Variants in PCDHGA12 observed in about 807,000 individuals in gnomAD.
PCDHGA12 encodes the protein protocadherin gamma subfamily A, 12, also known as protocadherin gamma-A12.
Under a neutral mutation model 61.1 loss-of-function variants are expected in PCDHGA12, and 43 were observed. The observed-to-expected ratio is 0.70, with a 90% CI of 0.55 to 0.91. The LOEUF (loss-of-function observed/expected upper bound fraction) is 0.91. Among genes scored for constraint, PCDHGA12 ranks in the 40% least tolerant of loss-of-function variants. The probability of loss-of-function intolerance (pLI) is 0.00; values close to 1 mark genes in which losing one functional copy is unlikely to be tolerated. For missense variants in PCDHGA12, 1,236 were observed against 1,227.7 expected, an observed-to-expected ratio of 1.01 and a Z score of -0.10; for synonymous variants, 520 against 542.9, an observed-to-expected ratio of 0.96 and a Z score of 0.59.
At chr5:141,440,443 T>A (rs979101512) in intron 1 of PCDHGA12, 2 of 152,152 alleles carry the variant, frequency 1.3e-5, no homozygotes, top group Admixed American at 1.3e-4. Flanking sequence ...CAAGGCGCCA[T>A]CTCAAAAAAA....
At chr5:141,472,022 T>C (rs949257396) in intron 1 of PCDHGA12, among the ~76,000 whole-genome samples, 1 of 152,176 alleles carries the variant, frequency 6.6e-6, no homozygotes, top group Non-Finnish European at 1.5e-5. Flanking sequence ...CTATATTGTA[T>C]GTAGAAAGCT....
intron 1 of PCDHGA12, among the ~76,000 whole-genome samples, chr5:141,472,131 A>C (rs565506002): frequency 6.6e-6 from 1 of 152,264 alleles, no homozygotes; most frequent in Non-Finnish European, 1.5e-5. Flanking sequence ...AGAGAAGTTA[A>C]AAATAAAAGT....
intron 1 of PCDHGA12, among the ~76,000 whole-genome samples, chr5:141,464,648 G>A (rs776411908): frequency 6.6e-6 from 1 of 152,020 alleles, no homozygotes; most frequent in African/African-American, 2.4e-5. Flanking sequence ...AACCTGATGG[G>A]TAAAAAGATA....
At chr5:141,503,263 C>T (rs2099818883) in intron 2 of PCDHGA12, among the ~76,000 whole-genome samples, 2 of 152,212 alleles carry the variant, frequency 1.3e-5, no homozygotes, top group South Asian at 4.2e-4. Context: ...GCCACAACCC[C>T]AGCACCTGGC....
At chr5:141,464,096 C>T (rs2099075769) in intron 1 of PCDHGA12, among the ~76,000 whole-genome samples, 1 of 152,016 alleles carries the variant, frequency 6.6e-6, no homozygotes, top group African/African-American at 2.4e-5. Context: ...GAAACTCCGT[C>T]TCTACTAAAA....
At chr5:141,473,902 G>C (rs1593464039) in intron 1 of PCDHGA12, among the ~76,000 whole-genome samples, 1 of 152,240 alleles carries the variant, frequency 6.6e-6, no homozygotes, top group South Asian at 2.1e-4. Context: ...GGTTCATGAA[G>C]AGGTCTTAAG....
At chr5:141,494,564 G>A (rs2099755274) in intron 1 of PCDHGA12, among the ~76,000 whole-genome samples, 1 of 152,138 alleles carries the variant, frequency 6.6e-6, no homozygotes, top group Non-Finnish European at 1.5e-5. Context: ...TTTAGGAAAG[G>A]AGTCTCAGCT....
Position 141,447,048 on chromosome 5 carries a change from A to G in PCDHGA12, c.2424+13865A>G, listed in dbSNP as rs149112101. Among the ~76,000 whole-genome samples, 216 of 152,182 alleles carry G rather than the reference A, an allele frequency of 1.4e-3. 1 individual carries two copies. Among genetic ancestry groups the G allele is most frequent in the African/African-American group, 4.8e-3 (198 of 41,512 alleles). On this transcript the variant is annotated intron_variant, in intron 1 of 3. Transcript: ENST00000252085. ...GTTTTTTTTCTGTGTCTGGAATTCT[A>G]TTAAAATGTGTCAGGCTGTTTTAAT...
intron 1 of PCDHGA12, among the ~76,000 whole-genome samples, chr5:141,448,581 T>A (rs570781751): frequency 2.0e-5 from 3 of 152,274 alleles, no homozygotes; most frequent in African/African-American, 7.2e-5. Context: ...CCATTTTTTT[T>A]ACAAAAAGAT....
In PCDHGA12 at chr5:141,432,212, G is replaced by T. The variant is rs2097468822; in HGVS notation, c.1453G>T (p.Ala485Ser). 8 of 1,614,184 alleles carry T rather than the reference G, an allele frequency of 5.0e-6. No homozygotes were observed. In the East Asian group the frequency reaches 1.3e-4, roughly 27 times the overall value. ...CCACGACCCCGACTGTGAAGAGAAC[G>T]CCCAGATCACTTATTCCCTGGCTGA... ...TAHDPDCEEN[A>S]QITYSLAENT... Residue 485 changes from alanine (A) to serine (S), a missense_variant, in exon 1 of 4, where the codon GCC becomes TCC. Ala to Ser is a moderately conservative substitution (Grantham distance 99). Transcript: ENST00000252085. The surrounding 1 kb of genome is among the most constrained non-coding windows in gnomAD (Gnocchi z 6.0).
chr5:141,485,986 G>T lies in PCDHGA12; in HGVS notation c.2425-8821G>T, dbSNP rs2099622467. The T allele has an allele frequency of 1.2e-6, 2 of 1,614,084 alleles. No homozygotes were observed. Among genetic ancestry groups the T allele is most frequent in the African/African-American group, 1.3e-5 (1 of 74,936 alleles). On this transcript the variant is annotated intron_variant, in intron 1 of 3. Transcript: ENST00000252085. This position sits in a 1 kb window ranked among gnomAD's most constrained non-coding sequence, Gnocchi z 5.7. ...AGCTCAATGCCTCAGACCCGGACCT[G>T]GGTCCCAGTGGTAACGTCACCTTTT...
rs561569572 is a variant in PCDHGA12, at chr5:141,512,054, C to A, written c.*881C>A. 6.5e-6 allele frequency: 1 copy of A among 152,828 alleles called. No individual in the cohort carries two copies. The highest frequency in any genetic ancestry group is 1.9e-4 in the East Asian group (1 of 5,184). The allele number at this position is 152,828 out of a possible 1,614,324, so 9.5% of individuals were successfully genotyped here. On this transcript the variant is annotated 3_prime_UTR_variant, in exon 4 of 4. Coordinates refer to ENST00000252085, the MANE Select transcript of PCDHGA12 (RefSeq NM_003735.3). Reference sequence around the variant, plus strand: ...GGAGGCTCTGTATGTCCTCAGGGGACTGACAACATCCTCCAGATTCCAGCC... The same window carrying A: ...GGAGGCTCTGTATGTCCTCAGGGGAATGACAACATCCTCCAGATTCCAGCC...
At chr5:141,452,046 T>C (rs767493861) in intron 1 of PCDHGA12, among the ~76,000 whole-genome samples, 1 of 152,242 alleles carries the variant, frequency 6.6e-6, no homozygotes, top group Non-Finnish European at 1.5e-5. Context: ...TAACTCCATT[T>C]GTAATAACTT....
intron 1 of PCDHGA12, among the ~76,000 whole-genome samples, chr5:141,455,133 CTG>C (rs2098814252): frequency 6.6e-6 from 1 of 151,392 alleles, no homozygotes; most frequent in African/African-American, 2.4e-5. Flanking sequence ...TTAAATTACA[CTG>C]TGTTAAATAA....
At chr5:141,482,956 CCAGCTACTTGAG>C (rs6149271) in intron 1 of PCDHGA12, among the ~76,000 whole-genome samples, 62,216 of 151,640 alleles carry the variant, frequency 0.41, 15,336 homozygotes, top group African/African-American at 0.7. Context: ...GCCTGTAATT[CCAGCTACTTGAG>C]CAGCTACTTG....
At chr5:141,439,496 G>A (rs1166315364) in intron 1 of PCDHGA12, among the ~76,000 whole-genome samples, 2 of 152,152 alleles carry the variant, frequency 1.3e-5, no homozygotes, top group Non-Finnish European at 2.9e-5. Context: ...AGTGAGAAAC[G>A]TCTTTCTCTC....
intron 1 of PCDHGA12, among the ~76,000 whole-genome samples, chr5:141,482,072 C>G (rs1010432509): frequency 1.5e-5 from 2 of 133,436 alleles, no homozygotes; most frequent in African/African-American, 5.9e-5. Flanking sequence ...GCAACAAGAA[C>G]AAAACTCACT....
In PCDHGA12 at chr5:141,431,482, G is replaced by C. The variant is rs781371030; in HGVS notation, c.723G>C (p.Ala241=). ...MVLDANDNAP[A]FAQPEYRASV... is the part of the protein sequence containing the mutation. ...TGGATGCGAACGACAACGCACCAGCGTTTGCTCAGCCCGAGTACCGCGCGA... is the reference window on the plus strand; with the variant it reads ...TGGATGCGAACGACAACGCACCAGCCTTTGCTCAGCCCGAGTACCGCGCGA... The change falls in exon 1 of 4, where the codon GCG becomes GCC. Residue 241 remains alanine, a synonymous_variant. Coordinates refer to ENST00000252085, the MANE Select transcript of PCDHGA12 (RefSeq NM_003735.3). The surrounding 1 kb of genome is among the most constrained non-coding windows in gnomAD (Gnocchi z 4.8). The C allele has an allele frequency of 6.8e-6, 11 of 1,613,800 alleles. No individual in the cohort carries two copies. The Admixed American group carries it at 1.3e-4, about 20-fold the overall frequency.
rs202006594 is a variant in PCDHGA12, at chr5:141,477,618, C to A, written c.2425-17189C>A. 15 of 1,614,176 alleles carry A rather than the reference C, an allele frequency of 9.3e-6. No homozygotes were observed. The African/African-American group carries it at 1.3e-4, about 14-fold the overall frequency. ...TCTTTCTTTCTCTTGGAGCAAGGAGCTGAAACCGGGCTAGTGGGTCGCTAT... is the reference window on the plus strand; with the variant it reads ...TCTTTCTTTCTCTTGGAGCAAGGAGATGAAACCGGGCTAGTGGGTCGCTAT... On this transcript the variant is annotated intron_variant, in intron 1 of 3. Coordinates refer to ENST00000252085, the MANE Select transcript of PCDHGA12 (RefSeq NM_003735.3). The surrounding 1 kb of genome is among the most constrained non-coding windows in gnomAD (Gnocchi z 4.9).
Sources: allele counts gnomAD v4.1 joint callset (sites outside exome capture counted in the v4.1 genomes callset), GRCh38; gene constraint gnomAD v4.1.1; non-coding constraint Gnocchi (gnomAD v3.1); transcripts MANE v1.5; gene names NCBI Gene and HGNC (gene_info 2026-07-23, HGNC 2026-07-21).